The following ZYX variants were observed in gnomAD, a reference collection of about 807,000 sequenced individuals.
ZYX encodes the protein zyxin, also known as zyxin-2.
ZYX carries 37 observed loss-of-function variants against 58.1 expected under a neutral mutation model. The observed-to-expected ratio is 0.64, with a 90% CI of 0.49 to 0.84. The LOEUF (loss-of-function observed/expected upper bound fraction) is 0.84. ZYX is among the 40% of genes least tolerant of loss of function. The pLI is 0.00. For missense variants in ZYX, 762 were observed against 761.6 expected, an observed-to-expected ratio of 1.00 and a Z score of -0.01; for synonymous variants, 324 against 321.1, an observed-to-expected ratio of 1.01 and a Z score of -0.10.
Position 143,382,663 on chromosome 7 carries a change from A to G in ZYX, c.479A>G (p.Lys160Arg), listed in dbSNP as rs752388633. The change falls in exon 4 of 10, where the codon AAG (lysine) becomes AGG (arginine). Residue 160 changes from lysine to arginine, a missense_variant. Physicochemically the swap from Lys to Arg is conservative, Grantham distance 26 (BLOSUM62 2). Coordinates refer to ENST00000322764, the MANE Select transcript of ZYX (RefSeq NM_003461.5). ...TCCTCACTGCTGGATGACATGACCA[A>G]GAATGATCCTTTCAAAGCCCGGGTA... ...SLSSLLDDMTKNDPFKARVSS... is the reference protein window; with the variant it reads ...SLSSLLDDMTRNDPFKARVSS... The G allele has an allele frequency of 6.2e-6, 10 of 1,614,110 alleles. No individual in the cohort carries two copies. Among genetic ancestry groups the G allele is most frequent in the Admixed American group, 1.7e-5 (1 of 60,028 alleles).
Position 143,388,553 on chromosome 7 carries a change from G to A in ZYX, c.1209G>A (p.Gln403=). ...AGCCAGCCGTCCGCGCTCTAGGGCA[G>A]CTGTTCCACATCGCCTGCTTCACCT... ...RAQPAVRALG[Q]LFHIACFTCH... is the part of the protein sequence containing the mutation. Residue 403 remains glutamine (Q), a synonymous_variant, in exon 7 of 10, where the codon CAG becomes CAA. Transcript: ENST00000322764. This position sits in a 1 kb window ranked among gnomAD's most constrained non-coding sequence, Gnocchi z 7.5. 6.2e-7 allele frequency: 1 copy of A among 1,611,530 alleles called. No homozygotes were observed. The highest frequency in any genetic ancestry group is 1.1e-5 in the South Asian group (1 of 91,086).
chr7:143,381,392 C>A lies in ZYX; in HGVS notation c.-33C>A, dbSNP rs1804562135. On this transcript the variant is annotated 5_prime_UTR_variant, in exon 1 of 10. Transcript: ENST00000322764. Reference sequence around the variant, plus strand: ...CGAGGCGGCCACCCGAGACGCGGCGCGCACGCTCCGGCCTGCGGTGAGGCG... The same window carrying A: ...CGAGGCGGCCACCCGAGACGCGGCGAGCACGCTCCGGCCTGCGGTGAGGCG... 1 of 1,188,170 alleles carries A rather than the reference C, an allele frequency of 8.4e-7. No individual in the cohort carries two copies. 73.6% of individuals were successfully genotyped at this position (1,188,170 alleles called of 1,614,324 possible).
chr7:143,382,776 C>G (rs1450367894), intron 4 of ZYX, 25 bp from the exon 5 acceptor site: 4 of 1,609,770 alleles, frequency 2.5e-6, no homozygotes, highest in Admixed American at 1.7e-5. Context: ...GACTGCATCT[C>G]TCTTCCCTCT....
At position 143,381,551 on chromosome 7, in the gene ZYX, C is replaced by T. The variant is rs749691540; in HGVS notation, c.-15-6C>T. 1.9e-5 allele frequency: 31 copies of T among 1,604,914 alleles called. No individual in the cohort carries two copies. In the African/African-American group the frequency reaches 3.9e-4, roughly 20 times the overall value. ...CCGCGCTGCGTAACCCGGCGACCCA[C>T]CCCAGCAGCCCGGCCCGGCCATGGC... is the stretch of plus-strand genomic sequence containing the variant. On this transcript the variant is annotated splice_region_variant and splice_polypyrimidine_tract_variant and intron_variant, in intron 1 of 9. Transcript: ENST00000322764.
chr7:143,382,737 C>T lies in ZYX; in HGVS notation c.501+52C>T. 4 of 1,613,892 alleles carry T rather than the reference C, an allele frequency of 2.5e-6. No individual in the cohort carries two copies. In the African/African-American group the frequency reaches 5.3e-5, roughly 22 times the overall value. On this transcript the variant is annotated intron_variant, in intron 4 of 9. Transcript: ENST00000322764. Reference sequence around the variant, plus strand: ...AGGGCTCAGGGCCAGAGAGACTGGGCATAGAACTAAGGAGGATGGTGTCCT... The same window carrying T: ...AGGGCTCAGGGCCAGAGAGACTGGGTATAGAACTAAGGAGGATGGTGTCCT...
At chr7:143,383,725 G>C (rs188593581) in intron 5 of ZYX, among the ~76,000 whole-genome samples, 5 of 152,344 alleles carry the variant, frequency 3.3e-5, no homozygotes, top group African/African-American at 9.6e-5. Flanking sequence ...TTCTGCCTGA[G>C]GGCTTGGAGG....
At chr7:143,382,004 G>A in intron 2 of ZYX, 1 of 610,758 alleles carries the variant, frequency 1.6e-6, no homozygotes, top group Non-Finnish European at 2.8e-6. Context: ...GGAATGTGGG[G>A]CACGAATCTT....
intron 5 of ZYX, among the ~76,000 whole-genome samples, 171 bp downstream of exon 5, chr7:143,383,493 G>T (rs76759047): frequency 6.6e-6 from 1 of 152,078 alleles, no homozygotes; most frequent in Admixed American, 6.5e-5. Context: ...AACAATGGTA[G>T]GAAAATGCTC....
rs779343705 is a variant in ZYX at position 143,381,604 on chromosome 7, C to T, written c.33C>T (p.Ser11=). The T allele has an allele frequency of 1.2e-6, 2 of 1,611,768 alleles. No homozygotes were observed. The highest frequency in any genetic ancestry group is 8.5e-7 in the Non-Finnish European group (1 of 1,179,342). Residue 11 remains serine, a synonymous_variant, in exon 2 of 10, where the codon TCC becomes TCT. Coordinates refer to ENST00000322764, the MANE Select transcript of ZYX (RefSeq NM_003461.5). The part of the protein sequence containing the change: MAAPRPSPAI[S]VSVSAPAFYA... ...CCCCCCGCCCGTCTCCCGCGATCTC[C>T]GTTTCGGTCTCGGCTCCGGCTTTTT...
intron 5 of ZYX, chr7:143,383,966 C>T (rs1021551627): frequency 3.5e-6 from 1 of 284,168 alleles, no homozygotes; most frequent in Non-Finnish European, 7.1e-6. Flanking sequence ...TTAACATTCT[C>T]TACTCCATAC....
Position 143,390,141 on chromosome 7 carries a change from G to A in ZYX, c.1614+164G>A. The A allele has an allele frequency of 2.1e-6, 2 of 951,606 alleles. No individual in the cohort carries two copies. Among genetic ancestry groups the A allele is most frequent in the Non-Finnish European group, 3.1e-6 (2 of 648,464 alleles). 58.9% of individuals were successfully genotyped at this position (951,606 alleles called of 1,614,324 possible). A position where few individuals can be genotyped will look rare whatever the true frequency, so the allele number is the denominator to read the frequency against. On this transcript the variant is annotated intron_variant, in intron 9 of 9. Transcript: ENST00000322764. The surrounding 1 kb of genome is among the most constrained non-coding windows in gnomAD (Gnocchi z 4.3). ...CATCTGTCCTGCCAGAATGCTTCCT[G>A]CCACTGCAGGAAATGGGGCTGTGGG...
At chr7:143,383,364 G>A in intron 5 of ZYX, 42 bp downstream of exon 5, 1 of 1,545,664 alleles carries the variant, frequency 6.5e-7, no homozygotes, top group East Asian at 2.3e-5. Context: ...CCAGGGCACT[G>A]GGGCGGGGCT....
chr7:143,390,861 C>G lies in ZYX; in HGVS notation c.*179C>G. 3 of 595,372 alleles carry G rather than the reference C, an allele frequency of 5.0e-6. No homozygotes were observed. The highest frequency in any genetic ancestry group is 6.1e-6 in the Non-Finnish European group (2 of 330,206). 36.9% of individuals were successfully genotyped at this position (595,372 alleles called of 1,614,324 possible). ...AACATGGTCTAGGGATGCAGGATCC[C>G]CGCCCTGGGGTCTGGTCCTCGCCCA... On this transcript the variant is annotated 3_prime_UTR_variant, in exon 10 of 10. Coordinates refer to ENST00000322764, the MANE Select transcript of ZYX (RefSeq NM_003461.5). The surrounding 1 kb of genome is among the most constrained non-coding windows in gnomAD (Gnocchi z 4.3).
At position 143,383,330 on chromosome 7, in the gene ZYX, A is replaced by G. The variant is rs773650406; in HGVS notation, c.1023+8A>G. The G allele has an allele frequency of 6.3e-7, 1 of 1,591,970 alleles. No homozygotes were observed. Among genetic ancestry groups the G allele is most frequent in the Admixed American group, 1.7e-5 (1 of 58,026 alleles). On this transcript the variant is annotated splice_region_variant and intron_variant, in intron 5 of 9. Transcript: ENST00000322764. Reference sequence around the variant, plus strand: ...GCTCAGAACCAAAACCAGGTGAGGGATGGTGATAGGACAAGGCTTGGTACC... The same window carrying G: ...GCTCAGAACCAAAACCAGGTGAGGGGTGGTGATAGGACAAGGCTTGGTACC...
chr7:143,385,363 T>A (rs1478177202), intron 5 of ZYX, among the ~76,000 whole-genome samples: 1 of 151,040 alleles, frequency 6.6e-6, no homozygotes, highest in African/African-American at 2.4e-5. Context: ...ATGAGTGGCG[T>A]GTGTGTGTGT....
Position 143,383,011 on chromosome 7 carries a change from G to A in ZYX, c.712G>A (p.Val238Ile), listed in dbSNP as rs764464732. The A allele has an allele frequency of 6.3e-5, 101 of 1,613,856 alleles. No homozygotes were observed. Among genetic ancestry groups the A allele is most frequent in the Non-Finnish European group, 8.3e-5 (98 of 1,179,918 alleles). Residue 238 changes from valine to isoleucine, a missense_variant, in exon 5 of 10, where the codon GTC becomes ATC. Val to Ile is a conservative substitution (Grantham distance 29). Transcript: ENST00000322764. ...PQPKPQVQLH[V>I]QSQTQPVSLA... ...GCCCAAGCCTCAGGTCCAACTCCAT[G>A]TCCAGTCCCAGACCCAGCCTGTGTC...
In ZYX at chr7:143,389,460, T is replaced by G. The variant is rs534966954; in HGVS notation, c.1494-397T>G. Among the ~76,000 whole-genome samples the G allele has an allele frequency of 1.8e-4, 27 of 152,058 alleles. No homozygotes were observed. In the South Asian group the frequency reaches 2.9e-3, roughly 16 times the overall value. On this transcript the variant is annotated intron_variant, in intron 8 of 9. Coordinates refer to ENST00000322764, the MANE Select transcript of ZYX (RefSeq NM_003461.5). This position sits in a 1 kb window ranked among gnomAD's most constrained non-coding sequence, Gnocchi z 5.6. ...GCCACAACTTCACATCCCTCCACAG[T>G]GCCAGACAGTCAGGGCAGAGGCAAC...
chr7:143,382,318 C>G lies in ZYX; in HGVS notation c.279C>G (p.Phe93Leu). Residue 93 changes from phenylalanine to leucine, a missense_variant, in exon 3 of 10, where the codon TTC (phenylalanine) becomes TTG (leucine). Phe to Leu is a conservative substitution (Grantham distance 22, BLOSUM62 0). Transcript: ENST00000322764. ...DDAEGALGGAFPPPPPPIEES... is the reference protein window; with the variant it reads ...DDAEGALGGALPPPPPPIEES... ...CAGAGGGTGCTCTGGGAGGTGCCTT[C>G]CCGCCGCCCCCTCCCCCGATCGAGG... 6.2e-7 allele frequency: 1 copy of G among 1,610,018 alleles called. No individual in the cohort carries two copies. Among genetic ancestry groups the G allele is most frequent in the Non-Finnish European group, 8.5e-7 (1 of 1,177,682 alleles).
At chr7:143,385,203 G>A (rs1200296532) in intron 5 of ZYX, among the ~76,000 whole-genome samples, 1 of 152,188 alleles carries the variant, frequency 6.6e-6, no homozygotes, top group Non-Finnish European at 1.5e-5. Flanking sequence ...TGGCCTGTTT[G>A]TGCCCTGTGG....
Sources: gnomAD v4.1 joint callset for allele counts (sites outside exome capture counted in the v4.1 genomes callset) on GRCh38, gnomAD v4.1.1 for gene constraint, Gnocchi (gnomAD v3.1) non-coding constraint, MANE v1.5 for transcripts, NCBI Gene and HGNC (gene_info 2026-07-23, HGNC 2026-07-21) for gene names.